The following FAM53A variants were observed in gnomAD, a reference collection of about 807,000 sequenced individuals.
FAM53A encodes protein FAM53A.
A neutral mutation model predicts 26.6 loss-of-function variants in FAM53A; 28 were observed. That is an observed-to-expected ratio of 1.05 (90% CI 0.78 to 1.45). FAM53A has a LOEUF of 1.45. Among genes scored for constraint, FAM53A ranks in the 40% most tolerant of loss-of-function variants. The pLI, the probability that FAM53A is intolerant of heterozygous loss-of-function variation, is 0.00. For missense variants in FAM53A, 650 were observed against 575.8 expected (o/e 1.13, Z -1.32); for synonymous variants, 290 against 253.1 (o/e 1.15, Z -1.38).
intron 1 of FAM53A, among the ~76,000 whole-genome samples, chr4:1,680,129 G>A (rs892337382): frequency 3.3e-5 from 5 of 151,828 alleles, no homozygotes; most frequent in Admixed American, 2.6e-4. Context: ...AGACCAGCCT[G>A]GCCAACGTGG....
intron 1 of FAM53A, among the ~76,000 whole-genome samples, chr4:1,672,468 A>G (rs1028209093): frequency 1.4e-4 from 22 of 152,208 alleles, no homozygotes; most frequent in African/African-American, 5.3e-4. Flanking sequence ...GTGGGGAGCC[A>G]CTAGTGAGTG....
At chr4:1,673,963 T>C (rs985341991) in intron 1 of FAM53A, among the ~76,000 whole-genome samples, 3 of 152,234 alleles carry the variant, frequency 2.0e-5, no homozygotes, top group African/African-American at 7.2e-5. Context: ...GGAACATGCA[T>C]TTCCTGCAGG....
At chr4:1,590,992 AT>A in the FAM53A span, among the ~76,000 whole-genome samples, 2 of 130,848 alleles carry the variant, frequency 1.5e-5, no homozygotes, top group Admixed American at 7.4e-5. Flanking sequence ...ATATATATAT[AT>A]ATATATATAA....
chr4:1,576,756 C>T, the FAM53A span, among the ~76,000 whole-genome samples: 3 of 152,196 alleles, frequency 2.0e-5, no homozygotes, highest in African/African-American at 7.2e-5. Flanking sequence ...GAGAGGTGCC[C>T]GGCACCATGC....
intron 4 of FAM53A, among the ~76,000 whole-genome samples, chr4:1,648,213 A>C (rs1045068079): frequency 6.6e-6 from 1 of 152,156 alleles, no homozygotes; most frequent in Non-Finnish European, 1.5e-5. Context: ...CCTGTCTCCA[A>C]AAAACAAAAC....
At chr4:1,647,708 G>A (rs981967760) in intron 4 of FAM53A, among the ~76,000 whole-genome samples, 10 of 152,230 alleles carry the variant, frequency 6.6e-5, no homozygotes, top group Middle Eastern at 3.2e-3. Context: ...AGCATGCAGC[G>A]GTGCACATGA....
At chr4:1,638,853 C>T (rs1055900103), downstream of FAM53A, among the ~76,000 whole-genome samples, 2 of 152,218 alleles carry the variant, frequency 1.3e-5, no homozygotes, top group Non-Finnish European at 2.9e-5. Context: ...CGAGAGTCAG[C>T]TGGGAACTGT....
At chr4:1,593,222 G>T in the FAM53A span, among the ~76,000 whole-genome samples, 4 of 152,146 alleles carry the variant, frequency 2.6e-5, no homozygotes, top group Admixed American at 6.5e-5. Context: ...CTTGGCCCAG[G>T]CGCCTGGTCT....
At chr4:1,627,871 T>C (rs980196914) in intron 1 of FAM53A, among the ~76,000 whole-genome samples, 1 of 151,730 alleles carries the variant, frequency 6.6e-6, no homozygotes, top group African/African-American at 2.4e-5. Context: ...CCACCCACCA[T>C]GAAGTGACTC....
At chr4:1,576,898 A>G in the FAM53A span, among the ~76,000 whole-genome samples, 1 of 152,212 alleles carries the variant, frequency 6.6e-6, no homozygotes, top group Non-Finnish European at 1.5e-5. Flanking sequence ...TCCTTGAGGG[A>G]GGGGGTAAGA....
intron 2 of FAM53A, among the ~76,000 whole-genome samples, chr4:1,663,927 T>C (rs1180284158): frequency 3.3e-5 from 5 of 151,266 alleles, no homozygotes; most frequent in African/African-American, 1.2e-4. Flanking sequence ...GGCAGGGCAG[T>C]GCTCACTCCA....
chr4:1,662,391 C>T (rs1218787745), intron 2 of FAM53A, among the ~76,000 whole-genome samples: 1 of 148,892 alleles, frequency 6.7e-6, no homozygotes, highest in Non-Finnish European at 1.5e-5. Context: ...AGGCAGAAGA[C>T]TCTCTCGAAC....
the FAM53A span, among the ~76,000 whole-genome samples, chr4:1,585,276 CTTTTT>C: frequency 1.2e-4 from 9 of 75,962 alleles, no homozygotes; most frequent in African/African-American, 3.8e-4. Context: ...CTCTCTCTCT[CTTTTT>C]TTTTTTTTTT....
At chr4:1,606,461 G>T in the FAM53A span, among the ~76,000 whole-genome samples, 1 of 152,064 alleles carries the variant, frequency 6.6e-6, no homozygotes. Context: ...GCCGAGACCC[G>T]ATGCCCTTCA....
At chr4:1,661,002 C>T (rs977840925) in intron 2 of FAM53A, among the ~76,000 whole-genome samples, 2 of 152,134 alleles carry the variant, frequency 1.3e-5, no homozygotes, top group East Asian at 1.9e-4. Context: ...ATACCGTGCC[C>T]GCCAGGCCAG....
At chr4:1,586,174 G>T in the FAM53A span, among the ~76,000 whole-genome samples, 6 of 152,042 alleles carry the variant, frequency 3.9e-5, no homozygotes, top group Admixed American at 6.6e-5. Flanking sequence ...GGGCGTGCAG[G>T]TCTCTCTTGG....
At chr4:1,667,119 C>A (rs1223587185) in intron 2 of FAM53A, among the ~76,000 whole-genome samples, 1 of 143,994 alleles carries the variant, frequency 6.9e-6, no homozygotes, top group African/African-American at 2.5e-5. Context: ...CAGAGCAAGA[C>A]TCCATCTCAA....
rs1715575551 is a variant in FAM53A, at chr4:1,630,679, A to G, written c.432-12568T>C. 6.6e-6 allele frequency among the ~76,000 whole-genome samples: 1 copy of G among 152,106 alleles called. No individual in the cohort carries two copies. The highest frequency in any genetic ancestry group is 6.5e-5 in the Admixed American group (1 of 15,276). ...TGGAAGCCAGACAGAAAAGGCCCGCACAGCATGATCCCACGTCTACGAAAT... is the reference window on the plus strand; with the variant it reads ...TGGAAGCCAGACAGAAAAGGCCCGCGCAGCATGATCCCACGTCTACGAAAT... On this transcript the variant is annotated intron_variant, in intron 1 of 1. Coordinates refer to the FAM53A transcript ENST00000489029. The surrounding 1 kb of genome is among the most constrained non-coding windows in gnomAD (Gnocchi z 4.3).
intron 4 of FAM53A, among the ~76,000 whole-genome samples, chr4:1,647,941 G>T (rs1577111408): frequency 6.6e-6 from 1 of 152,372 alleles, no homozygotes; most frequent in East Asian, 1.9e-4. Context: ...TGGGCCTGGT[G>T]GCGCACGCCT....
Sources: allele counts gnomAD v4.1 joint callset (sites outside exome capture counted in the v4.1 genomes callset), GRCh38; gene constraint gnomAD v4.1.1; non-coding constraint Gnocchi (gnomAD v3.1); transcripts MANE v1.5; gene names NCBI Gene and HGNC (gene_info 2026-07-23, HGNC 2026-07-21).